MYO1B: variants seen among roughly 807,000 people sequenced by gnomAD.
The protein encoded by MYO1B is myosin IB.
A neutral mutation model predicts 159.7 loss-of-function variants in MYO1B; 72 were observed. The observed-to-expected ratio is 0.45, with a 90% CI of 0.37 to 0.55. MYO1B has a LOEUF of 0.55. Among genes scored for constraint, MYO1B ranks in the 20% least tolerant of loss-of-function variants. MYO1B has a pLI of 0.00. For missense variants in MYO1B, 1,062 were observed against 1,364.8 expected (o/e 0.78, Z 3.50); for synonymous variants, 468 against 473.8 (o/e 0.99, Z 0.16).
intron 15 of MYO1B, among the ~76,000 whole-genome samples, chr2:191,385,224 T>G (rs147207057): frequency 6.6e-6 from 1 of 152,328 alleles, no homozygotes; most frequent in African/African-American, 2.4e-5. Flanking sequence ...GGTCTAGATA[T>G]GCAACAAATA....
intron 1 of MYO1B, among the ~76,000 whole-genome samples, chr2:191,256,912 G>A (rs902499050): frequency 6.6e-6 from 1 of 151,394 alleles, no homozygotes; most frequent in Non-Finnish European, 1.5e-5. Flanking sequence ...GTTAGAAGAT[G>A]GGGCTATTCC....
chr2:191,267,583 T>C (rs2125709695), intron 1 of MYO1B, among the ~76,000 whole-genome samples: 1 of 152,248 alleles, frequency 6.6e-6, no homozygotes, highest in East Asian at 1.9e-4. Flanking sequence ...AGTGTGTAGG[T>C]AGGAATGAAA....
intron 5 of MYO1B, 22 bp downstream of exon 5, chr2:191,341,587 A>G: frequency 6.3e-7 from 1 of 1,589,976 alleles, no homozygotes; most frequent in East Asian, 2.2e-5. Flanking sequence ...TATGTTCATT[A>G]AGTCGGTGTG....
intron 29 of MYO1B, 23 bp from the exon 30 acceptor site, chr2:191,416,092 C>G: frequency 6.2e-7 from 1 of 1,604,420 alleles, no homozygotes; most frequent in Admixed American, 1.7e-5. Flanking sequence ...TAATTATGAC[C>G]GACTCTTGGT....
At chr2:191,343,271 A>G (rs1188515527) in intron 5 of MYO1B, among the ~76,000 whole-genome samples, 1 of 151,684 alleles carries the variant, frequency 6.6e-6, no homozygotes, top group African/African-American at 2.4e-5. Context: ...ATTAAAGCAG[A>G]ACTGCTTTGG....
intron 3 of MYO1B, among the ~76,000 whole-genome samples, chr2:191,302,422 A>C (rs569535395): frequency 6.6e-6 from 1 of 152,364 alleles, no homozygotes; most frequent in East Asian, 1.9e-4. Flanking sequence ...AGTTCAATGA[A>C]ATCAAAATGT....
intron 3 of MYO1B, among the ~76,000 whole-genome samples, chr2:191,302,057 A>G (rs1209009323): frequency 1.3e-5 from 2 of 152,130 alleles, no homozygotes; most frequent in Non-Finnish European, 2.9e-5. Flanking sequence ...AGAGCCATTC[A>G]TGTCTTTTCC....
At chr2:191,354,035 A>G (rs1693098773) in intron 7 of MYO1B, among the ~76,000 whole-genome samples, 1 of 152,116 alleles carries the variant, frequency 6.6e-6, no homozygotes, top group South Asian at 2.1e-4. Context: ...AGGCAGGCGG[A>G]TCACGAGGTC....
intron 20 of MYO1B, among the ~76,000 whole-genome samples, chr2:191,395,576 A>G (rs1696020898): frequency 6.6e-6 from 1 of 152,232 alleles, no homozygotes; most frequent in African/African-American, 2.4e-5. Context: ...GTATATTCCA[A>G]AGTGAATACT....
intron 3 of MYO1B, among the ~76,000 whole-genome samples, chr2:191,321,276 A>C (rs576482257): frequency 2.0e-5 from 3 of 152,306 alleles, no homozygotes; most frequent in Admixed American, 1.3e-4. Flanking sequence ...GGTGATTAGC[A>C]AGGTCTGTAG....
Position 191,381,473 on chromosome 2 carries a change from T to C in MYO1B, c.1197T>C (p.Phe399=). ...YGFEIFEDNS[F]EQFIINYCNE... ...TTTTCTCCATACAGGACAACAGCTT[T>C]GAGCAGTTCATTATTAATTATTGTA... Residue 399 remains phenylalanine, a synonymous_variant, in exon 14 of 31, where the codon TTT becomes TTC. Coordinates refer to ENST00000392318, the MANE Select transcript of MYO1B (RefSeq NM_001130158.3). The C allele has an allele frequency of 6.2e-7, 1 of 1,613,482 alleles. No homozygotes were observed. The highest frequency in any genetic ancestry group is 8.5e-7 in the Non-Finnish European group (1 of 1,179,524).
At chr2:191,414,262 C>T (rs2126177506) in intron 28 of MYO1B, 82 bp downstream of exon 28, 2 of 1,502,190 alleles carry the variant, frequency 1.3e-6, no homozygotes, top group Non-Finnish European at 1.8e-6. Flanking sequence ...TAAAAATTTG[C>T]ATTTCATGTT....
chr2:191,247,987 A>T (rs1253832640), intron 1 of MYO1B: 2 of 985,308 alleles, frequency 2.0e-6, no homozygotes, highest in Admixed American at 1.2e-4. Context: ...GTCTGACATC[A>T]TGGGGAAGAA....
chr2:191,265,795 A>G (rs1258335928), intron 1 of MYO1B, among the ~76,000 whole-genome samples: 4 of 152,156 alleles, frequency 2.6e-5, no homozygotes, highest in African/African-American at 9.7e-5. Flanking sequence ...AGCGGTTTAT[A>G]GTTTTTGGCT....
rs748381298 is a variant in MYO1B, at chr2:191,370,176, A to G, written c.1120-51A>G. ...ATATCTATGTTCCTTGGATGCTTGT[A>G]GTGTTATATTTCATGCCTTAATTAA... On this transcript the variant is annotated intron_variant, in intron 12 of 30. Transcript: ENST00000392318. 6 of 1,121,178 alleles carry G rather than the reference A, an allele frequency of 5.4e-6. No homozygotes were observed. The South Asian group carries it at 7.9e-5, about 15-fold the overall frequency. The allele number at this position is 1,121,178 out of a possible 1,614,324, so 69.5% of individuals were successfully genotyped here. A position where few individuals can be genotyped will look rare whatever the true frequency, so the allele number is the denominator to read the frequency against.
intron 2 of MYO1B, among the ~76,000 whole-genome samples, chr2:191,286,749 A>G (rs370154966): frequency 1.7e-4 from 26 of 152,188 alleles, no homozygotes; most frequent in African/African-American, 5.3e-4. Flanking sequence ...CCTGGGCAAC[A>G]TGATGAAACC....
At chr2:191,421,236 A>G (rs1045306045) in intron 30 of MYO1B, among the ~76,000 whole-genome samples, 1 of 151,548 alleles carries the variant, frequency 6.6e-6, no homozygotes, top group Non-Finnish European at 1.5e-5. Context: ...CGCCCTGCTA[A>G]TTTTTGTATT....
At chr2:191,348,171 C>A (rs1692688432) in intron 6 of MYO1B, among the ~76,000 whole-genome samples, 1 of 152,166 alleles carries the variant, frequency 6.6e-6, no homozygotes, top group South Asian at 2.1e-4. Context: ...ACTGAATTCT[C>A]AGGGCTGGCC....
At chr2:191,382,237 A>G (rs2126073735) in intron 14 of MYO1B, among the ~76,000 whole-genome samples, 1 of 152,078 alleles carries the variant, frequency 6.6e-6, no homozygotes, top group East Asian at 1.9e-4. Context: ...TTAATATTTT[A>G]GTAATGATAT....
Sources: allele counts gnomAD v4.1 joint callset (sites outside exome capture counted in the v4.1 genomes callset), GRCh38; gene constraint gnomAD v4.1.1; transcripts MANE v1.5; gene names NCBI Gene and HGNC (gene_info 2026-07-23, HGNC 2026-07-21).